SMG6: variants seen among roughly 807,000 people sequenced by gnomAD.
The protein encoded by SMG6 is telomerase-binding protein EST1A.
A neutral mutation model predicts 142.2 loss-of-function variants in SMG6; 66 were observed. The ratio of observed to expected loss-of-function variants is 0.46; its 90% CI spans 0.38 to 0.57. The LOEUF (loss-of-function observed/expected upper bound fraction) is 0.57. Ranked by LOEUF, SMG6 falls within the 20% of genes least tolerant of loss-of-function variation. SMG6 has a pLI of 0.00. For synonymous variants in SMG6, 779 were observed against 702.4 expected (o/e 1.11, Z -1.72); for missense variants, 1,793 against 1,832.0 (o/e 0.98, Z 0.39).
chr17:2,099,493 A>C (rs562713233), intron 13 of SMG6, among the ~76,000 whole-genome samples: 1 of 152,210 alleles, frequency 6.6e-6, no homozygotes, highest in South Asian at 2.1e-4. Context: ...GCTTTGAAAA[A>C]AAAAAATTAC....
chr17:2,288,531 A>G (rs942158181), intron 6 of SMG6, among the ~76,000 whole-genome samples: 2 of 150,314 alleles, frequency 1.3e-5, no homozygotes, highest in Non-Finnish European at 3.0e-5. Flanking sequence ...CTGGGGTAGG[A>G]GGATCACTTG....
intron 10 of SMG6, among the ~76,000 whole-genome samples, chr17:2,201,850 C>G (rs1347386774): frequency 6.6e-6 from 1 of 151,692 alleles, no homozygotes; most frequent in African/African-American, 2.4e-5. Flanking sequence ...ATGGTGAAAC[C>G]CCATCTCTAC....
chr17:2,257,575 G>C (rs537525777), intron 8 of SMG6, among the ~76,000 whole-genome samples: 1 of 152,260 alleles, frequency 6.6e-6, no homozygotes, highest in East Asian at 1.9e-4. Context: ...ACATCAGAAT[G>C]AAAGCCAAAG....
chr17:2,074,769 C>T (rs556031712), intron 15 of SMG6, among the ~76,000 whole-genome samples: 2 of 152,230 alleles, frequency 1.3e-5, no homozygotes, highest in Admixed American at 6.5e-5. Context: ...CTGAAGGGCA[C>T]TTAAAGATAA....
rs145325795 is a variant in SMG6, at chr17:2,291,070, G to A, written c.2337+1482C>T. Among the ~76,000 whole-genome samples, 397 of 152,278 alleles carry A rather than the reference G, an allele frequency of 2.6e-3. 2 individuals carry two copies. The highest frequency in any genetic ancestry group is 9.0e-3 in the African/African-American group (372 of 41,562). On this transcript the variant is annotated intron_variant, in intron 6 of 18. Coordinates refer to ENST00000263073, the MANE Select transcript of SMG6 (RefSeq NM_017575.5). Reference sequence around the variant, plus strand: ...CACATGGCCAGGTGCGGTGGCTCACGCCTGTAATCCCAGCACTTTGGGAGG... The same window carrying A: ...CACATGGCCAGGTGCGGTGGCTCACACCTGTAATCCCAGCACTTTGGGAGG...
At chr17:2,255,139 TCA>T (rs1002850966) in intron 8 of SMG6, among the ~76,000 whole-genome samples, 2 of 151,862 alleles carry the variant, frequency 1.3e-5, no homozygotes, top group African/African-American at 4.8e-5. Context: ...GCGCGGTGGC[TCA>T]CACCTGTAAT....
chr17:2,211,100 T>TC (rs1187042595), intron 10 of SMG6, among the ~76,000 whole-genome samples: 1 of 48,560 alleles, frequency 2.1e-5, no homozygotes, highest in East Asian at 3.1e-4. Flanking sequence ...CTGGATTTTA[T>TC]TAAAAAAAAA....
At chr17:2,063,790 G>A (rs1404553983) in intron 18 of SMG6, among the ~76,000 whole-genome samples, 1 of 152,204 alleles carries the variant, frequency 6.6e-6, no homozygotes, top group East Asian at 1.9e-4. Context: ...GGAGGAAGGA[G>A]AGTGTGAAGG....
At chr17:2,288,935 C>T (rs111292697) in intron 6 of SMG6, among the ~76,000 whole-genome samples, 4 of 151,692 alleles carry the variant, frequency 2.6e-5, no homozygotes, top group African/African-American at 7.3e-5. Context: ...AAAAATTAGC[C>T]GGGTGTGGTG....
At chr17:2,274,374 T>C (rs1227361790) in intron 8 of SMG6, among the ~76,000 whole-genome samples, 1 of 152,056 alleles carries the variant, frequency 6.6e-6, no homozygotes, top group Non-Finnish European at 1.5e-5. Flanking sequence ...GGTCTTCTAC[T>C]CCAAAAACTC....
At chr17:2,222,113 G>A (rs1437870379) in intron 10 of SMG6, among the ~76,000 whole-genome samples, 1 of 152,158 alleles carries the variant, frequency 6.6e-6, no homozygotes, top group Non-Finnish European at 1.5e-5. Context: ...TGTTTTAGAT[G>A]TTCACAATGT....
intron 13 of SMG6, among the ~76,000 whole-genome samples, chr17:2,168,074 C>T (rs2071395208): frequency 6.6e-6 from 1 of 152,118 alleles, no homozygotes; most frequent in Non-Finnish European, 1.5e-5. Flanking sequence ...CACTATGTCA[C>T]CCAGGCTGGT....
At chr17:2,081,676 G>C in intron 15 of SMG6, 134 bp downstream of exon 15, 1 of 1,064,852 alleles carries the variant, frequency 9.4e-7, no homozygotes, top group Non-Finnish European at 1.4e-6. Context: ...GTGAAAAACG[G>C]GTAGAGCTAG....
chr17:2,175,821 TCTG>T (rs1457428908), intron 12 of SMG6, among the ~76,000 whole-genome samples: 1 of 152,190 alleles, frequency 6.6e-6, no homozygotes, highest in Middle Eastern at 3.2e-3. Context: ...AGAGGTCACT[TCTG>T]CTCTGGTTAA....
rs1326049489 is a variant in SMG6 at position 2,177,205 on chromosome 17, C to T, written c.3156-4346G>A. Among the ~76,000 whole-genome samples, 3 of 152,280 alleles carry T rather than the reference C, an allele frequency of 2.0e-5. No individual in the cohort carries two copies. In the South Asian group the frequency reaches 6.2e-4, roughly 32 times the overall value. On this transcript the variant is annotated intron_variant, in intron 12 of 18. Transcript: ENST00000263073. Reference sequence around the variant, plus strand: ...GGGTTTCTGTGTTCCTAAAATTTTGCTTTTCTCACAGGAGAGGTTACCCAA... The same window carrying T: ...GGGTTTCTGTGTTCCTAAAATTTTGTTTTTCTCACAGGAGAGGTTACCCAA...
At chr17:2,291,097 C>A (rs943560611) in intron 6 of SMG6, among the ~76,000 whole-genome samples, 2 of 151,986 alleles carry the variant, frequency 1.3e-5, no homozygotes, top group African/African-American at 4.8e-5. Flanking sequence ...TTTGGGAGGC[C>A]GAGGCGGGCG....
intron 13 of SMG6, chr17:2,087,053 C>A: frequency 7.7e-7 from 1 of 1,290,502 alleles, no homozygotes; most frequent in Non-Finnish European, 1.0e-6. Flanking sequence ...CTTCTATCTG[C>A]AGCACATAGG....
At position 2,297,287 on chromosome 17, in the gene SMG6, A is replaced by G. The variant is rs747315700; in HGVS notation, c.2107T>C (p.Tyr703His). 13 of 1,613,618 alleles carry G rather than the reference A, an allele frequency of 8.1e-6. No individual in the cohort carries two copies. Among genetic ancestry groups the G allele is most frequent in the Middle Eastern group, 1.7e-4 (1 of 6,060 alleles). The change falls in exon 4 of 19, where the codon TAC becomes CAC. Residue 703 changes from tyrosine to histidine, a missense_variant. Transcript: ENST00000263073. ...QVTYKFKLED[Y>H]MDGLAIRSKP... is the part of the protein sequence containing the mutation. ...CTGCGAATGGCAAGACCATCCATGT[A>G]GTCTTCCAGTTTGAACTTGTAAGTA...
At chr17:2,091,987 TTC>T (rs1470104181) in intron 13 of SMG6, among the ~76,000 whole-genome samples, 1 of 151,240 alleles carries the variant, frequency 6.6e-6, no homozygotes, top group Non-Finnish European at 1.5e-5. Flanking sequence ...TGGCCCCTTT[TTC>T]TTTTTTTTTT....
Sources: allele counts gnomAD v4.1 joint callset (sites outside exome capture counted in the v4.1 genomes callset), GRCh38; gene constraint gnomAD v4.1.1; transcripts MANE v1.5; gene names NCBI Gene and HGNC (gene_info 2026-07-23, HGNC 2026-07-21).